Variants in MIB1 observed in about 807,000 individuals in gnomAD.
MIB1 encodes MIB E3 ubiquitin protein ligase 1.
A neutral mutation model predicts 124.5 loss-of-function variants in MIB1; 278 were observed. That is an observed-to-expected ratio of 2.23 (90% confidence interval 2.02 to 2.47). MIB1 has a LOEUF of 2.47. MIB1 is among the 30% of genes most tolerant of loss of function. The pLI is 0.00. For synonymous variants in MIB1, 446 were observed against 429.4 expected, an observed-to-expected ratio of 1.04 and a Z score of -0.48; for missense variants, 957 against 1,254.4, an observed-to-expected ratio of 0.76 and a Z score of 3.58.
At chr18:21,738,424 A>T (rs576098534), upstream of MIB1, among the ~76,000 whole-genome samples, 28 of 152,340 alleles carry the variant, frequency 1.8e-4, no homozygotes, top group African/African-American at 6.5e-4. Context: ...GGACTCATTT[A>T]AAGCAGTGTG....
intron 1 of MIB1, among the ~76,000 whole-genome samples, chr18:21,746,804 G>A (rs1305650572): frequency 6.6e-6 from 1 of 152,076 alleles, no homozygotes; most frequent in Non-Finnish European, 1.5e-5. Flanking sequence ...AAACTGTTTT[G>A]GGGGTAGTTC....
intron 1 of MIB1, among the ~76,000 whole-genome samples, chr18:21,727,425 G>A (rs1325867878): frequency 2.6e-5 from 4 of 152,086 alleles, no homozygotes; most frequent in African/African-American, 4.8e-5. Flanking sequence ...GAGCCACTGC[G>A]CCTGGCCCAC....
intron 12 of MIB1, among the ~76,000 whole-genome samples, chr18:21,832,751 C>G (rs1303499637): frequency 1.3e-5 from 2 of 152,048 alleles, no homozygotes; most frequent in Non-Finnish European, 2.9e-5. Context: ...AGGAATACTT[C>G]TTTAGATATT....
chr18:21,829,977 C>T (rs911807971), intron 12 of MIB1, among the ~76,000 whole-genome samples: 2 of 151,836 alleles, frequency 1.3e-5, no homozygotes, highest in Non-Finnish European at 2.9e-5. Flanking sequence ...TGGTAAGTAG[C>T]CTTCAGTTAT....
At chr18:21,807,752 A>C (rs867628353) in intron 10 of MIB1, among the ~76,000 whole-genome samples, 1 of 152,226 alleles carries the variant, frequency 6.6e-6, no homozygotes, top group Admixed American at 6.5e-5. Context: ...AAGTGGAGAA[A>C]ATAGTTAATT....
chr18:21,849,857 T>C lies in MIB1; in HGVS notation c.2586+469T>C, dbSNP rs578242897. On this transcript the variant is annotated intron_variant, in intron 17 of 20. Transcript: ENST00000261537. ...AAAATAATTCATTTTTTTGGTAGAA[T>C]GTCACACATTCTAGATTTGATTGTT... is the stretch of plus-strand genomic sequence containing the variant. 2.0e-5 allele frequency among the ~76,000 whole-genome samples: 3 copies of C among 152,282 alleles called. No homozygotes were observed. In the East Asian group the frequency reaches 5.8e-4, roughly 29 times the overall value.
At chr18:21,848,703 A>G (rs771301383) in intron 16 of MIB1, among the ~76,000 whole-genome samples, 24 of 152,150 alleles carry the variant, frequency 1.6e-4, no homozygotes, top group Admixed American at 6.5e-4. Flanking sequence ...TTCCTTAAGG[A>G]TACACTTAAA....
chr18:21,730,459 T>C (rs116458678), intron 1 of MIB1, among the ~76,000 whole-genome samples: 3,911 of 152,202 alleles, frequency 0.026, 180 homozygotes, highest in African/African-American at 0.087. Context: ...TCCTGGCTGC[T>C]CAGGAGTCTG....
intron 1 of MIB1, among the ~76,000 whole-genome samples, chr18:21,722,167 G>A (rs1310423480): frequency 2.0e-5 from 3 of 151,648 alleles, no homozygotes; most frequent in Non-Finnish European, 4.4e-5. Flanking sequence ...CGATTTTCCT[G>A]CTTCAGCCTC....
intron 11 of MIB1, among the ~76,000 whole-genome samples, chr18:21,816,815 C>T (rs2041833720): frequency 6.6e-6 from 1 of 151,956 alleles, no homozygotes. Flanking sequence ...TTTTGAAGTG[C>T]AGCTGTTTTG....
intron 6 of MIB1, among the ~76,000 whole-genome samples, chr18:21,787,209 A>G (rs149916618): frequency 9.2e-5 from 14 of 152,246 alleles, no homozygotes; most frequent in Middle Eastern, 3.4e-3. Flanking sequence ...AACTCTGTTC[A>G]TCCTGAATTG....
chr18:21,828,977 A>G (rs1419435363), intron 12 of MIB1: 1 of 467,078 alleles, frequency 2.1e-6, no homozygotes, highest in Non-Finnish European at 4.4e-6. Flanking sequence ...CTTTTAGCTC[A>G]GTTTAATTCT....
At chr18:21,769,985 T>C (rs1034421595) in intron 3 of MIB1, among the ~76,000 whole-genome samples, 1 of 151,766 alleles carries the variant, frequency 6.6e-6, no homozygotes, top group Non-Finnish European at 1.5e-5. Flanking sequence ...GGGTGGATCA[T>C]TTGAGGTCAG....
chr18:21,754,974 C>T (rs2041014622), intron 1 of MIB1, among the ~76,000 whole-genome samples: 1 of 152,186 alleles, frequency 6.6e-6, no homozygotes, highest in South Asian at 2.1e-4. Context: ...CGAAACTCTA[C>T]TCTGCACCCT....
intron 13 of MIB1, among the ~76,000 whole-genome samples, chr18:21,842,564 G>C (rs752796891): frequency 6.6e-6 from 1 of 152,026 alleles, no homozygotes; most frequent in South Asian, 2.1e-4. Context: ...GTTCTCATAC[G>C]GTTCTTCAGC....
At chr18:21,808,681 T>G (rs1293411512) in intron 10 of MIB1, among the ~76,000 whole-genome samples, 1 of 152,190 alleles carries the variant, frequency 6.6e-6, no homozygotes, top group Non-Finnish European at 1.5e-5. Context: ...TCAGTAGGAT[T>G]ACATTCTGTT....
intron 14 of MIB1, 142 bp downstream of exon 14, chr18:21,843,359 C>T: frequency 3.7e-6 from 2 of 544,124 alleles, no homozygotes; most frequent in Non-Finnish European, 6.2e-6. Flanking sequence ...TATCTAAATA[C>T]AATGTGATCT....
chr18:21,740,640 C>T (rs2146370913), upstream of MIB1, among the ~76,000 whole-genome samples: 1 of 152,366 alleles, frequency 6.6e-6, no homozygotes, highest in African/African-American at 2.4e-5. Context: ...GCCTCCAGGA[C>T]GGCCTAACCG....
intron 12 of MIB1, among the ~76,000 whole-genome samples, chr18:21,824,453 C>T (rs2041906904): frequency 6.6e-6 from 1 of 152,128 alleles, no homozygotes; most frequent in Non-Finnish European, 1.5e-5. Context: ...GCTTTCCTTA[C>T]AACTGTAAAC....
Sources: allele counts gnomAD v4.1 joint callset (sites outside exome capture counted in the v4.1 genomes callset), GRCh38; gene constraint gnomAD v4.1.1; transcripts MANE v1.5; gene names NCBI Gene and HGNC (gene_info 2026-07-23, HGNC 2026-07-21).